The following CFAP47 variants were observed in gnomAD, a reference collection of about 807,000 sequenced individuals.
The protein encoded by CFAP47 is cilia and flagella associated protein 47.
In CFAP47, 29 loss-of-function variants were observed where a neutral mutation model predicts 148.1. That is an observed-to-expected ratio of 0.20 (90% confidence interval 0.15 to 0.27). CFAP47 has a LOEUF of 0.27. Ranked by LOEUF, CFAP47 falls within the 10% of genes least tolerant of loss-of-function variation. The probability of loss-of-function intolerance (pLI) is 1.00; values close to 1 mark genes in which losing one functional copy is unlikely to be tolerated. For missense variants in CFAP47, 1,872 were observed against 1,697.5 expected (o/e 1.10, Z -1.81); for synonymous variants, 664 against 577.3 (o/e 1.15, Z -2.15).
At chrX:36,047,622 A>G (rs1937482255) in intron 26 of CFAP47, among the ~76,000 whole-genome samples, 1 of 111,954 alleles carries the variant, frequency 8.9e-6, no homozygotes, top group South Asian at 3.7e-4. Flanking sequence ...AACTTGACTA[A>G]CTAAATGGCA....
At chrX:36,349,929 C>G in intron 58 of CFAP47, 109 bp from the exon 59 acceptor site, 1 of 421,118 alleles carries the variant, frequency 2.4e-6, no homozygotes, top group Non-Finnish European at 4.0e-6. Context: ...CTACCAAAGT[C>G]TGAATTTACA....
At chrX:36,135,601 G>A (rs1313229384) in intron 33 of CFAP47, among the ~76,000 whole-genome samples, 2 of 111,992 alleles carry the variant, frequency 1.8e-5, no homozygotes. Context: ...TTTGGTAAAG[G>A]TGAAGTTATT....
At chrX:35,957,783 A>G (rs1936268213) in intron 8 of CFAP47, among the ~76,000 whole-genome samples, 1 of 112,366 alleles carries the variant, frequency 8.9e-6, no homozygotes, top group Non-Finnish European at 1.9e-5. Flanking sequence ...TGCGAATGTA[A>G]GAAGTATAGT....
At chrX:35,940,058 T>G (rs2146630499) in intron 2 of CFAP47, among the ~76,000 whole-genome samples, 1 of 111,767 alleles carries the variant, frequency 8.9e-6, no homozygotes. Flanking sequence ...ATGGTGAGCA[T>G]TTTTTCATGT....
chrX:36,096,443 G>A (rs1938278626), intron 30 of CFAP47, among the ~76,000 whole-genome samples: 2 of 110,850 alleles, frequency 1.8e-5, no homozygotes, highest in South Asian at 3.7e-4. Flanking sequence ...TGAAAGTGGG[G>A]TTGAACTCTC....
intron 7 of CFAP47, 134 bp from the exon 8 acceptor site, chrX:35,955,827 A>T: frequency 4.3e-6 from 4 of 930,493 alleles, no homozygotes; most frequent in Non-Finnish European, 5.8e-6. Flanking sequence ...GACACTCAAT[A>T]ATTGTGTTGA....
intron 18 of CFAP47, among the ~76,000 whole-genome samples, chrX:35,995,006 G>A (rs1409474590): frequency 1.8e-5 from 2 of 111,789 alleles, no homozygotes; most frequent in Non-Finnish European, 3.8e-5. Flanking sequence ...GGCTAAGGAA[G>A]TACACAGGAG....
At chrX:36,214,506 C>A (rs1940138234) in intron 45 of CFAP47, among the ~76,000 whole-genome samples, 2 of 111,517 alleles carry the variant, frequency 1.8e-5, no homozygotes, top group South Asian at 7.4e-4. Flanking sequence ...TTATAAACTT[C>A]TTAGTATTTT....
chrX:36,267,838 T>C lies in CFAP47; in HGVS notation c.7445-12649T>C, dbSNP rs782269216. Reference sequence around the variant, plus strand: ...TTTTAAAAGCAAGACCTTGAGGCATTGTGGAGATCGTATATTTGGTATTAT... The same window carrying C: ...TTTTAAAAGCAAGACCTTGAGGCATCGTGGAGATCGTATATTTGGTATTAT... On this transcript the variant is annotated intron_variant, in intron 49 of 63. Coordinates refer to ENST00000378653, the MANE Select transcript of CFAP47 (RefSeq NM_001304548.2). Among the ~76,000 whole-genome samples the C allele has an allele frequency of 3.8e-3, 424 of 112,340 alleles. 5 individuals are homozygous for C. Among genetic ancestry groups the C allele is most frequent in the African/African-American group, 0.013 (408 of 30,949 alleles).
At chrX:36,108,790 CTT>C (rs796736969) in intron 33 of CFAP47, among the ~76,000 whole-genome samples, 3 of 94,048 alleles carry the variant, frequency 3.2e-5, no homozygotes. Flanking sequence ...CTGCTGCTTC[CTT>C]TTTTTTTTTT....
intron 56 of CFAP47, 126 bp from the exon 57 acceptor site, chrX:36,319,083 C>T (rs1390736589): frequency 6.2e-6 from 2 of 322,890 alleles, no homozygotes; most frequent in East Asian, 5.6e-5. Flanking sequence ...TTAAAATATA[C>T]TTTGAAAGAT....
At chrX:36,269,269 G>T (rs1196788640) in intron 49 of CFAP47, among the ~76,000 whole-genome samples, 3 of 112,282 alleles carry the variant, frequency 2.7e-5, no homozygotes, top group Non-Finnish European at 5.6e-5. Context: ...CCTAAGTGTA[G>T]TGAATCTAAA....
At chrX:36,243,639 A>ATGTG (rs1403598585) in intron 48 of CFAP47, among the ~76,000 whole-genome samples, 40 of 52,474 alleles carry the variant, frequency 7.6e-4, no homozygotes, top group African/African-American at 3.3e-3. Flanking sequence ...TAACTATTAT[A>ATGTG]TGTGTGTGTA....
chrX:36,035,754 T>C lies in CFAP47; in HGVS notation c.3711T>C (p.Asn1237=). ...TGACATGGACTTTGGATCTTAGTAA[T>C]ACTGGCAAACTTTTCAAAGACGGCA... ...HHVTWTLDLS[N]TGKLFKDGTF... Residue 1237 remains asparagine (N), a synonymous_variant, in exon 24 of 64, where the codon AAT becomes AAC. Coordinates refer to ENST00000378653, the MANE Select transcript of CFAP47 (RefSeq NM_001304548.2). 3.4e-6 allele frequency: 1 copy of C among 296,561 alleles called. No individual in the cohort carries two copies. The allele number at this position is 296,561 out of a possible 1,213,427, so 24.4% of individuals were successfully genotyped here.
At chrX:36,263,631 C>A (rs1448650529) in intron 49 of CFAP47, among the ~76,000 whole-genome samples, 1 of 111,802 alleles carries the variant, frequency 8.9e-6, no homozygotes, top group Non-Finnish European at 1.9e-5. Flanking sequence ...CAAGGGCTCT[C>A]AAGTCAGCTT....
At chrX:36,174,335 C>T (rs1939635396) in intron 39 of CFAP47, among the ~76,000 whole-genome samples, 2 of 109,576 alleles carry the variant, frequency 1.8e-5, no homozygotes, top group South Asian at 4.1e-4. Context: ...GAATTTGATC[C>T]TGTCATTATG....
chrX:35,966,809 A>G, intron 9 of CFAP47, 55 bp downstream of exon 9: 2 of 857,314 alleles, frequency 2.3e-6, no homozygotes, highest in Non-Finnish European at 3.1e-6. Flanking sequence ...TTAATTTAAG[A>G]TTATTTTAAT....
At chrX:36,015,898 CT>C (rs1219405883) in intron 22 of CFAP47, among the ~76,000 whole-genome samples, 2 of 111,351 alleles carry the variant, frequency 1.8e-5, no homozygotes, top group African/African-American at 6.5e-5. Context: ...ATTTTGATAT[CT>C]TTTTTGTTCT....
chrX:35,981,428 T>C (rs186807849), intron 15 of CFAP47, among the ~76,000 whole-genome samples: 5 of 107,254 alleles, frequency 4.7e-5, no homozygotes, highest in African/African-American at 1.7e-4. Context: ...GTAGCTTAAA[T>C]CCAGAGAAAC....
Sources: gnomAD v4.1 joint callset for allele counts (sites outside exome capture counted in the v4.1 genomes callset) on GRCh38, gnomAD v4.1.1 for gene constraint, MANE v1.5 for transcripts, NCBI Gene and HGNC (gene_info 2026-07-23, HGNC 2026-07-21) for gene names.